Variants in RYR2 observed in about 807,000 individuals in gnomAD.
The protein encoded by RYR2 is ryanodine receptor 2.
RYR2 carries 227 observed loss-of-function variants against 601.1 expected under a neutral mutation model. That is an observed-to-expected ratio of 0.38 (90% CI 0.34 to 0.42). The LOEUF (loss-of-function observed/expected upper bound fraction) is 0.42, where lower values mean the gene tolerates loss of function less well. RYR2 is among the 10% of genes least tolerant of loss of function. The pLI is 1.00. For missense variants in RYR2, 4,646 were observed against 6,156.5 expected, an observed-to-expected ratio of 0.75 and a Z score of 8.21; for synonymous variants, 2,223 against 2,175.1, an observed-to-expected ratio of 1.02 and a Z score of -0.61.
chr1:237,704,342 AATC>A (rs1350196975), intron 66 of RYR2, among the ~76,000 whole-genome samples: 2 of 152,122 alleles, frequency 1.3e-5, no homozygotes, highest in East Asian at 1.9e-4. Flanking sequence ...AAATTTTTAA[AATC>A]ATCAACCATT....
chr1:237,703,126 G>A (rs1688096745), intron 66 of RYR2, among the ~76,000 whole-genome samples: 1 of 151,752 alleles, frequency 6.6e-6, no homozygotes, highest in African/African-American at 2.4e-5. Context: ...ATTTCCCTTA[G>A]CTGTATTCTT....
chr1:237,213,064 G>A (rs1425616446), intron 1 of RYR2, among the ~76,000 whole-genome samples: 3 of 152,118 alleles, frequency 2.0e-5, no homozygotes, highest in East Asian at 1.9e-4. Flanking sequence ...GAGCCACCAC[G>A]ACCGGCTGAT....
At chr1:237,709,213 T>C (rs1688624629) in intron 69 of RYR2, 115 bp downstream of exon 69, 1 of 992,624 alleles carries the variant, frequency 1.0e-6, no homozygotes. Context: ...TTGGTAATTA[T>C]AATTAACTGT....
chr1:237,318,885 G>A (rs546706632), intron 2 of RYR2, among the ~76,000 whole-genome samples: 1 of 152,084 alleles, frequency 6.6e-6, no homozygotes, highest in East Asian at 1.9e-4. Flanking sequence ...TTCATTATTT[G>A]TTTAAATGCA....
At chr1:237,369,642 C>A in intron 6 of RYR2, 34 bp downstream of exon 6, 1 of 1,518,570 alleles carries the variant, frequency 6.6e-7, no homozygotes, top group South Asian at 1.2e-5. Context: ...TCCCTGTGGT[C>A]ATGCTGATCC....
In RYR2 at chr1:237,701,903, C is replaced by T. The variant is rs939699; in HGVS notation, c.9368-75C>T. On this transcript the variant is annotated intron_variant, in intron 65 of 104. Coordinates refer to ENST00000366574, the MANE Select transcript of RYR2 (RefSeq NM_001035.3). ...AGTATATAGCCTAAACTGAATAGTA[C>T]ATAGCTTAAGCTTTCTCAGGACAAT... The T allele has an allele frequency of 0.99, 813,395 of 820,094 alleles. 403,623 individuals carry two copies. Among genetic ancestry groups the T allele is most frequent in the East Asian group, 1 (39,726 of 39,726 alleles). The allele number at this position is 820,094 out of a possible 1,614,324, so 50.8% of individuals were successfully genotyped here. A position where few individuals can be genotyped will look rare whatever the true frequency, so the allele number is the denominator to read the frequency against.
chr1:237,134,662 G>C (rs534940902), intron 1 of RYR2, among the ~76,000 whole-genome samples: 24 of 152,298 alleles, frequency 1.6e-4, no homozygotes, highest in African/African-American at 5.8e-4. Flanking sequence ...TTTGTCTGAT[G>C]TTCTCTTTAA....
At chr1:237,259,201 T>C (rs1688275500) in intron 1 of RYR2, among the ~76,000 whole-genome samples, 1 of 151,992 alleles carries the variant, frequency 6.6e-6, no homozygotes, top group Non-Finnish European at 1.5e-5. Context: ...GCTATATTAT[T>C]TTTGAGATAG....
intron 64 of RYR2, among the ~76,000 whole-genome samples, 194 bp from the exon 65 acceptor site, chr1:237,700,035 G>A (rs1296435055): frequency 6.6e-6 from 1 of 152,126 alleles, no homozygotes; most frequent in Non-Finnish European, 1.5e-5. Context: ...AAGGCATTTG[G>A]AAAAGATAAT....
intron 17 of RYR2, among the ~76,000 whole-genome samples, chr1:237,486,572 A>G (rs893388440): frequency 7.9e-5 from 12 of 152,232 alleles, no homozygotes; most frequent in African/African-American, 2.9e-4. Flanking sequence ...TATACTGTAG[A>G]GAGGAAAGGC....
chr1:237,243,253 G>A (rs1686407140), intron 1 of RYR2, among the ~76,000 whole-genome samples: 1 of 152,010 alleles, frequency 6.6e-6, no homozygotes, highest in African/African-American at 2.4e-5. Context: ...CAGGTTGGGG[G>A]CTCAGTCCCC....
chr1:237,639,230 T>G, intron 46 of RYR2, 29 bp downstream of exon 46: 1 of 1,561,726 alleles, frequency 6.4e-7, no homozygotes, highest in Non-Finnish European at 8.7e-7. Flanking sequence ...CCCTCACGAG[T>G]GATCCATACT....
chr1:237,617,381 A>T lies in RYR2; in HGVS notation c.5811A>T (p.Gln1937His). 6.2e-7 allele frequency: 1 copy of T among 1,614,030 alleles called. No homozygotes were observed. Among genetic ancestry groups the T allele is most frequent in the Non-Finnish European group, 8.5e-7 (1 of 1,179,892 alleles). The change falls in exon 38 of 105, where the codon CAA becomes CAT. Residue 1937 changes from glutamine to histidine, a missense_variant. This residue lies in a region of RYR2 where 1,807 missense variants were observed against 2,088.1 expected (regional missense o/e 0.87). Transcript: ENST00000366574. ...CAGATGATTTTGTGGCTAAGCTCCAAGACAATCAACGTTTCCGATACAACG... is the reference window on the plus strand; with the variant it reads ...CAGATGATTTTGTGGCTAAGCTCCATGACAATCAACGTTTCCGATACAACG... ...AFSDDFVAKL[Q>H]DNQRFRYNEV...
At chr1:237,049,736 C>G (rs1222131140) in intron 1 of RYR2, among the ~76,000 whole-genome samples, 1 of 152,142 alleles carries the variant, frequency 6.6e-6, no homozygotes, top group South Asian at 2.1e-4. Context: ...ATAAGAGAAG[C>G]TTGCAGACAG....
At chr1:237,566,853 C>A (rs1572901522) in intron 28 of RYR2, 78 bp downstream of exon 28, 2 of 1,437,098 alleles carry the variant, frequency 1.4e-6, no homozygotes, top group East Asian at 4.5e-5. Context: ...TTGGTAGCTT[C>A]ACAGTACCAG....
At chr1:237,461,417 TAAG>T (rs1659465724) in intron 16 of RYR2, among the ~76,000 whole-genome samples, 2 of 152,244 alleles carry the variant, frequency 1.3e-5, no homozygotes, top group African/African-American at 4.8e-5. Flanking sequence ...ACCCCTCTTT[TAAG>T]AAGAAGGGCC....
intron 2 of RYR2, among the ~76,000 whole-genome samples, chr1:237,325,254 C>T (rs1558625320): frequency 6.6e-6 from 1 of 152,086 alleles, no homozygotes; most frequent in Non-Finnish European, 1.5e-5. Flanking sequence ...CAGTGATCTC[C>T]AGGATATATC....
chr1:237,829,135 A>G (rs1420362178), intron 102 of RYR2, among the ~76,000 whole-genome samples: 1 of 152,238 alleles, frequency 6.6e-6, no homozygotes, highest in African/African-American at 2.4e-5. Flanking sequence ...GAAGAATATA[A>G]TCACTCATTT....
intron 1 of RYR2, among the ~76,000 whole-genome samples, chr1:237,189,419 T>C (rs1359273019): frequency 1.3e-5 from 2 of 152,218 alleles, no homozygotes; most frequent in Non-Finnish European, 2.9e-5. Flanking sequence ...CTTTTGGATA[T>C]AGATACCCAT....
Sources: gnomAD v4.1 joint callset for allele counts (sites outside exome capture counted in the v4.1 genomes callset) on GRCh38, gnomAD v4.1.1 for gene constraint, gnomAD v4.1.1 regional missense constraint, MANE v1.5 for transcripts, NCBI Gene and HGNC (gene_info 2026-07-23, HGNC 2026-07-21) for gene names.